TMEM183A: variants seen among roughly 807,000 people sequenced by gnomAD.
TMEM183A encodes chromosome 1 open reading frame 37.
In TMEM183A, 21 loss-of-function variants were observed where a neutral mutation model predicts 46.7. The ratio of observed to expected loss-of-function variants is 0.45; its 90% CI spans 0.32 to 0.65. TMEM183A has a LOEUF of 0.65. TMEM183A is among the 30% of genes least tolerant of loss of function. TMEM183A has a pLI of 0.04. For synonymous variants in TMEM183A, 165 were observed against 180.2 expected (o/e 0.92, Z 0.68); for missense variants, 331 against 481.9 (o/e 0.69, Z 2.93).
At chr1:203,015,765 A>G (rs769111043) in intron 4 of TMEM183A, 195 bp from the exon 5 acceptor site, 6 of 635,210 alleles carry the variant, frequency 9.4e-6, no homozygotes, top group South Asian at 2.2e-5. Context: ...AACTTTAAAA[A>G]TGGATGGAGA....
intron 3 of TMEM183A, among the ~76,000 whole-genome samples, chr1:203,011,732 G>A (rs1268668173): frequency 1.3e-5 from 2 of 152,044 alleles, no homozygotes; most frequent in African/African-American, 4.8e-5. Flanking sequence ...TGAATTGTAA[G>A]ACTTCTTTAT....
In TMEM183A at chr1:203,015,066, T is replaced by C; in HGVS notation, c.527+18T>C. ...TACCGAAGGTGCGACCACAGAGAGCTCACTCTTTTATCTGTGTGGCTGATT... is the reference window on the plus strand; with the variant it reads ...TACCGAAGGTGCGACCACAGAGAGCCCACTCTTTTATCTGTGTGGCTGATT... On this transcript the variant is annotated intron_variant, in intron 4 of 7. Coordinates refer to ENST00000367242, the MANE Select transcript of TMEM183A (RefSeq NM_138391.6). 6 of 1,607,958 alleles carry C rather than the reference T, an allele frequency of 3.7e-6. No individual in the cohort carries two copies. Among genetic ancestry groups the C allele is most frequent in the Non-Finnish European group, 5.1e-6 (6 of 1,179,852 alleles).
Position 203,023,032 on chromosome 1 carries a change from A to G in TMEM183A, c.1123A>G (p.Arg375Gly). Residue 375 changes from arginine (R) to glycine (G), a missense_variant, in exon 8 of 8, where the codon AGA (arginine) becomes GGA (glycine). Arg to Gly is a moderately radical substitution (Grantham distance 125). Transcript: ENST00000367242. ...WWHPQYPFSLRA is the reference protein window; with the variant it reads ...WWHPQYPFSLGA The stretch of plus-strand genomic sequence containing the variant: ...GCATCCTCAGTACCCATTCTCCCTG[A>G]GAGCGTAGTTACTGCTTCCCATCCC... 1 of 1,543,306 alleles carries G rather than the reference A, an allele frequency of 6.5e-7. No individual in the cohort carries two copies. The highest frequency in any genetic ancestry group is 1.2e-5 in the South Asian group (1 of 83,066).
chr1:203,020,653 TG>T, intron 6 of TMEM183A, 139 bp from the exon 7 acceptor site: 1 of 1,071,240 alleles, frequency 9.3e-7, no homozygotes, highest in Non-Finnish European at 1.3e-6. Flanking sequence ...CTTTGATCTC[TG>T]TATAGAAACA....
chr1:203,022,761 C>CAGT, intron 7 of TMEM183A, 94 bp from the exon 8 acceptor site: 1 of 1,529,248 alleles, frequency 6.5e-7, no homozygotes, highest in East Asian at 2.3e-5. Flanking sequence ...GTGGCCTAGC[C>CAGT]AGTATAAATT....
intron 3 of TMEM183A, among the ~76,000 whole-genome samples, chr1:203,009,729 C>T (rs1238831760): frequency 6.6e-6 from 1 of 152,164 alleles, no homozygotes; most frequent in Non-Finnish European, 1.5e-5. Context: ...AGCAGTCCAC[C>T]CACCTTGGCC....
chr1:203,016,021 C>T lies in TMEM183A; in HGVS notation c.589C>T (p.Arg197Cys), dbSNP rs546957992. ...RLRPESMEKL[R>C]CLRACVIRSL... ...GCGACCAGAGTCAATGGAGAAGCTG[C>T]GCTGTCTCCGGGCTTGTGTGATCCG... The change falls in exon 5 of 8, where the codon CGC becomes TGC. Residue 197 changes from arginine (R) to cysteine (C), a missense_variant. Physicochemically the swap from Arg to Cys is radical, Grantham distance 180. Transcript: ENST00000367242. 3 of 1,614,020 alleles carry T rather than the reference C, an allele frequency of 1.9e-6. No homozygotes were observed. Among genetic ancestry groups the T allele is most frequent in the Admixed American group, 1.7e-5 (1 of 60,014 alleles).
Position 203,020,796 on chromosome 1 carries a change from C to A in TMEM183A, c.793C>A (p.Pro265Thr), listed in dbSNP as rs558028402. 6.2e-7 allele frequency: 1 copy of A among 1,613,734 alleles called. No homozygotes were observed. Among genetic ancestry groups the A allele is most frequent in the Admixed American group, 1.7e-5 (1 of 59,964 alleles). The change falls in exon 7 of 8, where the codon CCT becomes ACT. Residue 265 changes from proline (P) to threonine (T), a missense_variant. Pro to Thr is a conservative substitution (Grantham distance 38). Around this residue, in one of 2 missense-constraint regions of TMEM183A, gnomAD observed 233 missense variants for 385.8 expected, o/e 0.60. Coordinates refer to ENST00000367242, the MANE Select transcript of TMEM183A (RefSeq NM_138391.6). Reference protein sequence around the residue: ...EFNFKFKKQSPRLKSKCTGGL... With the variant: ...EFNFKFKKQSTRLKSKCTGGL... ...ATTAATTCTCAGTTCTCTTCAGTCCCCTAGGTTAAAGAGCAAGTGTACAGG... is the reference window on the plus strand; with the variant it reads ...ATTAATTCTCAGTTCTCTTCAGTCCACTAGGTTAAAGAGCAAGTGTACAGG...
Position 203,024,568 on chromosome 1 carries a change from C to G in TMEM183A, c.*1528C>G, listed in dbSNP as rs900844828. On this transcript the variant is annotated 3_prime_UTR_variant, in exon 8 of 8. Coordinates refer to ENST00000367242, the MANE Select transcript of TMEM183A (RefSeq NM_138391.6). ...TTGCTGCTAACAGCTAACCTTATCC[C>G]ACGTTGAGGGTGGTATTAAAACTGT... 1 of 151,780 alleles carries G rather than the reference C, an allele frequency of 6.6e-6. No homozygotes were observed. Among genetic ancestry groups the G allele is most frequent in the African/African-American group, 2.4e-5 (1 of 41,210 alleles). The allele number at this position is 151,780 out of a possible 1,614,324, so 9.4% of individuals were successfully genotyped here.
intron 3 of TMEM183A, among the ~76,000 whole-genome samples, chr1:203,010,347 A>C (rs905995502): frequency 1.3e-5 from 2 of 152,186 alleles, no homozygotes; most frequent in African/African-American, 2.4e-5. Context: ...CAGGATCCCA[A>C]AATTAAAACA....
chr1:203,019,801 T>C (rs1657495010), intron 6 of TMEM183A, among the ~76,000 whole-genome samples: 1 of 152,250 alleles, frequency 6.6e-6, no homozygotes, highest in Non-Finnish European at 1.5e-5. Flanking sequence ...TATTGTTTAC[T>C]AATCTGATTA....
Position 203,022,151 on chromosome 1 carries a change from C to G in TMEM183A, c.946-704C>G, listed in dbSNP as rs187025714. 2.2e-4 allele frequency among the ~76,000 whole-genome samples: 33 copies of G among 152,204 alleles called. 1 individual carries two copies. The highest frequency in any genetic ancestry group is 1.5e-3 in the Admixed American group (23 of 15,284). ...GTGCGCAGTCTCGGCTCCCTGCAAC[C>G]TCTGTCTCCTGGTTTCAAGTGATTC... is the stretch of plus-strand genomic sequence containing the variant. On this transcript the variant is annotated intron_variant, in intron 7 of 7. Coordinates refer to ENST00000367242, the MANE Select transcript of TMEM183A (RefSeq NM_138391.6).
intron 2 of TMEM183A, among the ~76,000 whole-genome samples, chr1:203,008,388 C>CT (rs1351906981): frequency 1.3e-5 from 2 of 150,140 alleles, no homozygotes; most frequent in Admixed American, 6.6e-5. Context: ...TTGTACACAC[C>CT]TTTTTTCTTC....
chr1:203,015,761 A>T, intron 4 of TMEM183A, 199 bp from the exon 5 acceptor site: 1 of 626,790 alleles, frequency 1.6e-6, no homozygotes, highest in Non-Finnish European at 2.7e-6. Flanking sequence ...CTTCAACTTT[A>T]AAAATGGATG....
At chr1:203,010,348 A>C (rs1656448255) in intron 3 of TMEM183A, among the ~76,000 whole-genome samples, 1 of 152,170 alleles carries the variant, frequency 6.6e-6, no homozygotes, top group Non-Finnish European at 1.5e-5. Context: ...AGGATCCCAA[A>C]ATTAAAACAG....
chr1:203,015,142 A>C (rs1233211235), intron 4 of TMEM183A, 94 bp downstream of exon 4: 2 of 1,530,538 alleles, frequency 1.3e-6, no homozygotes, highest in Non-Finnish European at 1.8e-6. Context: ...ACCTCTTTTC[A>C]CTTTCTCTAC....
At chr1:203,021,054 C>CAATTGA in intron 7 of TMEM183A, 106 bp downstream of exon 7, 1 of 1,127,596 alleles carries the variant, frequency 8.9e-7, no homozygotes. Context: ...TTTTAAGAGA[C>CAATTGA]GTGGTCTCAC....
At chr1:203,019,403 T>C (rs1657457623) in intron 6 of TMEM183A, among the ~76,000 whole-genome samples, 1 of 152,326 alleles carries the variant, frequency 6.6e-6, no homozygotes, top group East Asian at 1.9e-4. Context: ...TGAGGCAATT[T>C]AGGAAATCAG....
intron 3 of TMEM183A, among the ~76,000 whole-genome samples, chr1:203,012,235 T>TCACTCACACACACA (rs1553249496): frequency 1.2e-5 from 1 of 80,790 alleles, no homozygotes; most frequent in Non-Finnish European, 2.4e-5. Context: ...CCCCACTCCA[T>TCACTCACACACACA]CACACACACA....
Sources: allele counts gnomAD v4.1 joint callset (sites outside exome capture counted in the v4.1 genomes callset), GRCh38; gene constraint gnomAD v4.1.1; regional missense constraint gnomAD v4.1.1; transcripts MANE v1.5; gene names NCBI Gene and HGNC (gene_info 2026-07-23, HGNC 2026-07-21).